Variants in PIEZO1 observed in about 807,000 individuals in gnomAD.
The protein encoded by PIEZO1 is piezo type mechanosensitive ion channel component 1 (Er blood group).
Under a neutral mutation model 297.2 loss-of-function variants are expected in PIEZO1, and 296 were observed. The observed-to-expected ratio is 1.00, with a 90% CI of 0.91 to 1.10. The LOEUF (loss-of-function observed/expected upper bound fraction) is 1.10, where lower values mean the gene tolerates loss of function less well. Among genes scored for constraint, PIEZO1 ranks in the 50% least tolerant of loss-of-function variants. PIEZO1 has a pLI of 0.00. For synonymous variants in PIEZO1, 2,427 were observed against 1,507.5 expected (o/e 1.61, Z -14.13); for missense variants, 5,018 against 3,455.5 (o/e 1.45, Z -11.34).
chr16:88,722,790 C>T (rs989212274), intron 34 of PIEZO1, 47 bp downstream of exon 34: 30 of 1,533,190 alleles, frequency 2.0e-5, no homozygotes, highest in East Asian at 7.4e-5. Context: ...CAGGCAGGGG[C>T]GTAGTCAGGC....
Position 88,775,726 on chromosome 16 carries a change from CAAAAAA to C in PIEZO1, c.64+9169_64+9174del, listed in dbSNP as rs3052234. ...CCTGGGTGGCAGAATAAGACGCTGT[CAAAAAA>C]AAAAAAAAAAAAGAAAAGAAAAAAG... On this transcript the variant is annotated intron_variant, in intron 1 of 50. Transcript: ENST00000301015. Among the ~76,000 whole-genome samples, 424 of 98,726 alleles carry C rather than the reference CAAAAAA, an allele frequency of 4.3e-3. 6 individuals are homozygous for C. The highest frequency in any genetic ancestry group is 2.4e-3 in the South Asian group (7 of 2,910). The allele number at this position is 98,726 out of a possible 152,430, so 64.8% of individuals were successfully genotyped here. A position where few individuals can be genotyped will look rare whatever the true frequency, so the allele number is the denominator to read the frequency against.
At chr16:88,763,503 C>A (rs1907023035) in intron 1 of PIEZO1, among the ~76,000 whole-genome samples, 1 of 152,194 alleles carries the variant, frequency 6.6e-6, no homozygotes, top group Admixed American at 6.5e-5. Context: ...CACAGGAAGG[C>A]CTCATCCCGA....
At chr16:88,783,650 T>G (rs1007575851) in intron 1 of PIEZO1, among the ~76,000 whole-genome samples, 2 of 152,192 alleles carry the variant, frequency 1.3e-5, no homozygotes, top group Admixed American at 1.3e-4. Context: ...CATCTGACCC[T>G]GCACTGGGAG....
intron 1 of PIEZO1, among the ~76,000 whole-genome samples, chr16:88,784,249 G>A (rs1025883167): frequency 1.3e-5 from 2 of 152,238 alleles, no homozygotes; most frequent in African/African-American, 4.8e-5. Context: ...CAGGGCAGAG[G>A]CCGGCCCCCG....
At chr16:88,765,668 A>ATTTTTTTT (rs397966717) in intron 1 of PIEZO1, among the ~76,000 whole-genome samples, 40 of 131,732 alleles carry the variant, frequency 3.0e-4, no homozygotes, top group African/African-American at 1.0e-3. Flanking sequence ...GTTATCTCTA[A>ATTTTTTTT]TTTTTTTTTT....
chr16:88,759,963 G>C (rs1441028296), intron 1 of PIEZO1, among the ~76,000 whole-genome samples: 4 of 152,052 alleles, frequency 2.6e-5, no homozygotes, highest in African/African-American at 9.7e-5. Context: ...AGCCACCCTG[G>C]CATCCGGGCC....
chr16:88,730,720 C>G (rs1348817357), intron 22 of PIEZO1, among the ~76,000 whole-genome samples: 1 of 152,130 alleles, frequency 6.6e-6, no homozygotes, highest in African/African-American at 2.4e-5. Context: ...GCGTGAACCA[C>G]CATGCCCAGC....
chr16:88,724,253 G>A (rs149920196), intron 30 of PIEZO1, among the ~76,000 whole-genome samples: 1,849 of 152,334 alleles, frequency 0.012, 11 homozygotes, highest in Non-Finnish European at 0.017. Context: ...AGAACAGGCC[G>A]GGCACGGTGG....
chr16:88,777,700 G>C (rs117501872), intron 1 of PIEZO1, among the ~76,000 whole-genome samples: 1 of 152,226 alleles, frequency 6.6e-6, no homozygotes, highest in African/African-American at 2.4e-5. Context: ...AGCGAGGGCC[G>C]CGTGGTGGCT....
rs563525082 is a variant in PIEZO1, at chr16:88,742,073, C to T, written c.306G>A (p.Ser102=). The T allele has an allele frequency of 1.0e-5, 16 of 1,536,044 alleles. No individual in the cohort carries two copies. Among genetic ancestry groups the T allele is most frequent in the South Asian group, 2.4e-5 (2 of 84,062 alleles). The change falls in exon 4 of 51, where the codon TCG becomes TCA. Residue 102 remains serine, a synonymous_variant. Transcript: ENST00000301015. ...CTTACCTTGTGACCCCTATGTGTCG[C>T]GAGAGGGTCTCCCAGCGGCTGCCTG... ...GPSCSRWETL[S]RHIGVTRLDL... is the part of the protein sequence containing the mutation.
At chr16:88,726,499 G>A (rs1242591939) in intron 26 of PIEZO1, 44 bp from the exon 27 acceptor site, 1 of 1,546,686 alleles carries the variant, frequency 6.5e-7, no homozygotes, top group Non-Finnish European at 8.7e-7. Context: ...GGGCCCAGGA[G>A]CAGGGGGCTT....
intron 1 of PIEZO1, among the ~76,000 whole-genome samples, chr16:88,776,311 G>A (rs1322084243): frequency 6.6e-6 from 1 of 152,192 alleles, no homozygotes; most frequent in Non-Finnish European, 1.5e-5. Flanking sequence ...GTGGGCGCCT[G>A]TAGTCCCAGC....
chr16:88,722,627 C>T lies in PIEZO1; in HGVS notation c.4731G>A (p.Leu1577=), dbSNP rs1375688268. ...CATTGGGGGCCTCGGTGGGGCCTGG[C>T]AGCGTGGCCTCGGCCTGGCTTGTGT... ...QLYTSQAEAT[L]PGPTEAPNAP... is the part of the protein sequence containing the mutation. Residue 1577 remains leucine, a synonymous_variant, in exon 35 of 51, where the codon CTG becomes CTA. Coordinates refer to ENST00000301015, the MANE Select transcript of PIEZO1 (RefSeq NM_001142864.4). 3 of 1,538,476 alleles carry T rather than the reference C, an allele frequency of 1.9e-6. No homozygotes were observed. The highest frequency in any genetic ancestry group is 2.6e-6 in the Non-Finnish European group (3 of 1,145,944).
At chr16:88,776,603 C>A (rs1907677281) in intron 1 of PIEZO1, among the ~76,000 whole-genome samples, 1 of 152,084 alleles carries the variant, frequency 6.6e-6, no homozygotes, top group African/African-American at 2.4e-5. Context: ...CTCAGGGCAT[C>A]TGGGGAGGCG....
rs1395642573 is a variant in PIEZO1 at position 88,722,206 on chromosome 16, T to G, written c.4955+12A>C. On this transcript the variant is annotated intron_variant, in intron 36 of 50. Transcript: ENST00000301015. ...CATGGTGAGGCTGGTGTTGTGCGCG[T>G]CCCGCCCCCACCTGTCCAGGAGCAG... 1 of 1,543,290 alleles carries G rather than the reference T, an allele frequency of 6.5e-7. No homozygotes were observed. The highest frequency in any genetic ancestry group is 8.7e-7 in the Non-Finnish European group (1 of 1,145,900).
At chr16:88,731,671 A>C in intron 22 of PIEZO1, 35 bp downstream of exon 22, 1 of 1,522,146 alleles carries the variant, frequency 6.6e-7, no homozygotes, top group Non-Finnish European at 8.9e-7. Context: ...ACAAAGCCAC[A>C]AAGCCCACTC....
chr16:88,715,642 G>T lies in PIEZO1; in HGVS notation c.7529C>A (p.Pro2510Gln), dbSNP rs61745086. Residue 2510 changes from proline (P) to glutamine (Q), a missense_variant, in exon 51 of 51, where the codon CCG (proline) becomes CAG (glutamine). Pro to Gln is a moderately conservative substitution (Grantham distance 76). Transcript: ENST00000301015. ...YAKLIFLYRS[P>Q]ETMIKWTREK... ...ACGAGTCCACTTGATCATGGTCTCC[G>T]GTGAGCGGTAGAGGAAGATGAGCTT... 2.6e-6 allele frequency: 4 copies of T among 1,550,228 alleles called. No homozygotes were observed. The highest frequency in any genetic ancestry group is 3.5e-6 in the Non-Finnish European group (4 of 1,146,926).
chr16:88,768,578 T>G (rs1165699699), intron 1 of PIEZO1, among the ~76,000 whole-genome samples: 6 of 152,326 alleles, frequency 3.9e-5, no homozygotes, highest in African/African-American at 1.4e-4. Flanking sequence ...CGGGTGGCCC[T>G]GACAAGCAGG....
chr16:88,778,728 A>T (rs889578099), intron 1 of PIEZO1, among the ~76,000 whole-genome samples: 4 of 152,190 alleles, frequency 2.6e-5, no homozygotes, highest in Non-Finnish European at 5.9e-5. Context: ...CACCGTGGAG[A>T]AACATGAACG....
Sources: allele counts gnomAD v4.1 joint callset (sites outside exome capture counted in the v4.1 genomes callset), GRCh38; gene constraint gnomAD v4.1.1; transcripts MANE v1.5; gene names NCBI Gene and HGNC (gene_info 2026-07-23, HGNC 2026-07-21).